SPOUT1: variants seen among roughly 807,000 people sequenced by gnomAD.
SPOUT1 encodes SPOUT domain containing methyltransferase 1.
In SPOUT1, 40 loss-of-function variants were observed where a neutral mutation model predicts 54.8. That is an observed-to-expected ratio of 0.73 (90% CI 0.57 to 0.95). SPOUT1 has a LOEUF of 0.95. SPOUT1 is among the 40% of genes least tolerant of loss of function. The pLI is 0.00. For missense variants in SPOUT1, 437 were observed against 499.5 expected (o/e 0.87, Z 1.19); for synonymous variants, 193 against 200.3 (o/e 0.96, Z 0.31).
Position 128,822,025 on chromosome 9 carries a change from C to T in SPOUT1, c.*740G>A, listed in dbSNP as rs959110319. The T allele has an allele frequency of 1.9e-5, 8 of 418,442 alleles. No individual in the cohort carries two copies. Among genetic ancestry groups the T allele is most frequent in the South Asian group, 4.6e-5 (2 of 43,018 alleles). 25.9% of individuals were successfully genotyped at this position (418,442 alleles called of 1,614,324 possible). A position where few individuals can be genotyped will look rare whatever the true frequency, so the allele number is the denominator to read the frequency against. On this transcript the variant is annotated 3_prime_UTR_variant, in exon 12 of 12. Transcript: ENST00000361256. ...ACCTCTGTGGGGAGAGATGGACAGT[C>T]GTTAAGTCTCCCCTCAGACGAATGT... is the stretch of plus-strand genomic sequence containing the variant.
intron 2 of SPOUT1, 124 bp from the exon 3 acceptor site, chr9:128,828,984 GC>G: frequency 6.6e-7 from 1 of 1,507,672 alleles, no homozygotes; most frequent in Non-Finnish European, 9.2e-7. Flanking sequence ...AGGGCTCCCG[GC>G]CCCTGCCTCC....
At chr9:128,825,875 G>C in intron 7 of SPOUT1, 147 bp downstream of exon 7, 1 of 905,470 alleles carries the variant, frequency 1.1e-6, no homozygotes. Context: ...TATCTATTGA[G>C]CCCCATTTTG....
intron 7 of SPOUT1, 68 bp downstream of exon 7, chr9:128,825,954 C>T (rs1311089891): frequency 6.2e-7 from 1 of 1,602,276 alleles, no homozygotes; most frequent in Admixed American, 1.7e-5. Flanking sequence ...CCGCAACATC[C>T]ATCTGCTTGC....
chr9:128,822,591 T>C lies in SPOUT1; in HGVS notation c.*174A>G, dbSNP rs369241135. On this transcript the variant is annotated 3_prime_UTR_variant, in exon 12 of 12. Coordinates refer to ENST00000361256, the MANE Select transcript of SPOUT1 (RefSeq NM_016390.4). ...GCGCGGGCAGGCAGCCTCAAGGCCA[T>C]CACGGCGGGCAGTAAGTGAGGGTGG... 2 of 1,569,578 alleles carry C rather than the reference T, an allele frequency of 1.3e-6. No individual in the cohort carries two copies. The highest frequency in any genetic ancestry group is 1.7e-6 in the Non-Finnish European group (2 of 1,157,334).
Position 128,822,808 on chromosome 9 carries a change from G to T in SPOUT1, c.1088C>A (p.Ala363Asp). 6.3e-7 allele frequency: 1 copy of T among 1,591,926 alleles called. No homozygotes were observed. Residue 363 changes from alanine to aspartate, a missense_variant, in exon 12 of 12, where the codon GCC (alanine) becomes GAC (aspartate). Transcript: ENST00000361256. ...CGCCTGGATGAGGCCAGGCTGCAGG[G>T]CGGCCAGGGAGATGAGGATGGCTTC... ...TEEAILISLA[A>D]LQPGLIQAGA...
Position 128,822,572 on chromosome 9 carries a change from G to A in SPOUT1, c.*193C>T. On this transcript the variant is annotated 3_prime_UTR_variant, in exon 12 of 12. Coordinates refer to ENST00000361256, the MANE Select transcript of SPOUT1 (RefSeq NM_016390.4). The stretch of plus-strand genomic sequence containing the variant: ...CTTTGTGCCAAACATCCTGGCGCGG[G>A]CAGGCAGCCTCAAGGCCATCACGGC... 1 of 1,567,348 alleles carries A rather than the reference G, an allele frequency of 6.4e-7. No homozygotes were observed. The highest frequency in any genetic ancestry group is 8.7e-7 in the Non-Finnish European group (1 of 1,155,874).
intron 11 of SPOUT1, among the ~76,000 whole-genome samples, chr9:128,823,344 G>A (rs914806967): frequency 2.5e-4 from 38 of 152,168 alleles, no homozygotes; most frequent in African/African-American, 9.2e-4. Context: ...AGGCCAGGAC[G>A]AAGGCTCCAG....
Position 128,823,918 on chromosome 9 carries a change from C to T in SPOUT1, c.915-24G>A, listed in dbSNP as rs368131037. 4.3e-5 allele frequency: 70 copies of T among 1,610,556 alleles called. No individual in the cohort carries two copies. The African/African-American group carries it at 9.0e-4, about 21-fold the overall frequency. On this transcript the variant is annotated intron_variant, in intron 10 of 11. Transcript: ENST00000361256. ...GCCTGGCCCATGTAAGAGGGGGTCACCTGAGCGGCCACCGAGGCCCCACCC... is the reference window on the plus strand; with the variant it reads ...GCCTGGCCCATGTAAGAGGGGGTCATCTGAGCGGCCACCGAGGCCCCACCC...
chr9:128,824,824 C>G lies in SPOUT1; in HGVS notation c.758G>C (p.Arg253Pro). The change falls in exon 9 of 12, where the codon CGC becomes CCC. Residue 253 changes from arginine (R) to proline (P), a missense_variant. Transcript: ENST00000361256. ...GCCCCAGTAGAGACCAGCTTTGGTG[C>G]GAGGGTCCTGCGATGATACCACTTT... is the stretch of plus-strand genomic sequence containing the variant. ...HGKVVSSQDP[R>P]TKAGLYWGYT... 1 of 1,614,008 alleles carries G rather than the reference C, an allele frequency of 6.2e-7. No homozygotes were observed. Among genetic ancestry groups the G allele is most frequent in the Admixed American group, 1.7e-5 (1 of 59,964 alleles).
Position 128,826,275 on chromosome 9 carries a change from C to G in SPOUT1, c.508+109G>C, listed in dbSNP as rs1214499567. 13 of 1,554,206 alleles carry G rather than the reference C, an allele frequency of 8.4e-6. No homozygotes were observed. On this transcript the variant is annotated intron_variant, in intron 6 of 11. Coordinates refer to ENST00000361256, the MANE Select transcript of SPOUT1 (RefSeq NM_016390.4). The surrounding 1 kb of genome is among the most constrained non-coding windows in gnomAD (Gnocchi z 5.5). ...GTCTTGGCATCAGACACAGGTCTTG[C>G]TCTCCCAGGCCTGCTTTCCCACCTG...
chr9:128,820,957 C>T lies in SPOUT1; in HGVS notation c.*1808G>A, dbSNP rs1218406698. On this transcript the variant is annotated 3_prime_UTR_variant, in exon 12 of 12. Transcript: ENST00000361256. ...GCTCTGGGTCAATACCAGTTCCCTA[C>T]TCATCTGGTTTCTTGGCAAGCCTGT... is the stretch of plus-strand genomic sequence containing the variant. 2 of 973,014 alleles carry T rather than the reference C, an allele frequency of 2.1e-6. No homozygotes were observed. The highest frequency in any genetic ancestry group is 5.3e-5 in the East Asian group (2 of 38,056). The allele number at this position is 973,014 out of a possible 1,614,324, so 60.3% of individuals were successfully genotyped here. A position where few individuals can be genotyped will look rare whatever the true frequency, so the allele number is the denominator to read the frequency against.
chr9:128,828,974 A>T, intron 2 of SPOUT1, 114 bp from the exon 3 acceptor site: 1 of 1,520,186 alleles, frequency 6.6e-7, no homozygotes, highest in Non-Finnish European at 9.1e-7. Flanking sequence ...GAGCCTCCCC[A>T]GGGCTCCCGG....
intron 3 of SPOUT1, among the ~76,000 whole-genome samples, chr9:128,827,458 T>C (rs1364956649): frequency 6.6e-6 from 1 of 152,262 alleles, no homozygotes; most frequent in Non-Finnish European, 1.5e-5. Flanking sequence ...TCCCACTTAC[T>C]GCCTCAGTTC....
At position 128,827,179 on chromosome 9, in the gene SPOUT1, G is replaced by A. The variant is rs1830258901; in HGVS notation, c.221C>T (p.Thr74Ile). The change falls in exon 4 of 12, where the codon ACA (threonine) becomes ATA (isoleucine). Residue 74 changes from threonine (T) to isoleucine (I), a missense_variant. Coordinates refer to ENST00000361256, the MANE Select transcript of SPOUT1 (RefSeq NM_016390.4). Reference protein sequence around the residue: ...AEKEDRGRPYTLSVALPGSIL... With the variant: ...AEKEDRGRPYILSVALPGSIL... ...GGAGCCCGGCAGGGCTACGCTCAGT[G>A]TGTAGGGCCGCCCTGAGCAGGGGAG... The A allele has an allele frequency of 2.5e-6, 4 of 1,612,600 alleles. No homozygotes were observed. The South Asian group carries it at 4.4e-5, about 18-fold the overall frequency.
At chr9:128,827,739 T>G (rs752484498) in intron 3 of SPOUT1, among the ~76,000 whole-genome samples, 1 of 152,168 alleles carries the variant, frequency 6.6e-6, no homozygotes, top group South Asian at 2.1e-4. Flanking sequence ...CTGGCCAACA[T>G]GGCGAAACCC....
intron 3 of SPOUT1, among the ~76,000 whole-genome samples, chr9:128,828,509 AAGAG>A (rs899038633): frequency 6.6e-6 from 1 of 151,656 alleles, no homozygotes; most frequent in African/African-American, 2.4e-5. Context: ...AAAAAAAAAA[AAGAG>A]AGATAAGGCT....
At chr9:128,824,030 C>T in intron 10 of SPOUT1, 42 bp downstream of exon 10, 2 of 1,589,464 alleles carry the variant, frequency 1.3e-6, no homozygotes, top group Non-Finnish European at 8.6e-7. Context: ...GGTTCCTGGC[C>T]ACATTCCTCC....
In SPOUT1 at chr9:128,822,489, T is replaced by C; in HGVS notation, c.*276A>G. On this transcript the variant is annotated 3_prime_UTR_variant, in exon 12 of 12. Coordinates refer to ENST00000361256, the MANE Select transcript of SPOUT1 (RefSeq NM_016390.4). ...CCCAACGCACCTGTGGATGAGGCCA[T>C]CCCACTGGAGCGCTTCCTGGTGCCC... The C allele has an allele frequency of 6.4e-7, 1 of 1,565,258 alleles. No individual in the cohort carries two copies. Among genetic ancestry groups the C allele is most frequent in the South Asian group, 1.2e-5 (1 of 85,420 alleles).
In SPOUT1 at chr9:128,824,731, G is replaced by T. The variant is rs113980736; in HGVS notation, c.811+40C>A. ...GCAAGGCTCCCGGCCACCTCCCAGA[G>T]GGATGGATGGATATTCAGAGAAGTA... On this transcript the variant is annotated intron_variant, in intron 9 of 11. Transcript: ENST00000361256. 3.6e-5 allele frequency: 54 copies of T among 1,495,220 alleles called. No homozygotes were observed. In the African/African-American group the frequency reaches 6.5e-4, roughly 18 times the overall value. 92.6% of individuals were successfully genotyped at this position (1,495,220 alleles called of 1,614,324 possible). A position where few individuals can be genotyped will look rare whatever the true frequency, so the allele number is the denominator to read the frequency against.
Sources: allele counts gnomAD v4.1 joint callset (sites outside exome capture counted in the v4.1 genomes callset), GRCh38; gene constraint gnomAD v4.1.1; non-coding constraint Gnocchi (gnomAD v3.1); transcripts MANE v1.5; gene names NCBI Gene and HGNC (gene_info 2026-07-23, HGNC 2026-07-21).